Variants in CEACAM21 observed in about 807,000 individuals in gnomAD.
CEACAM21 encodes the protein CEA cell adhesion molecule 21, also known as cell adhesion molecule CEACAM21.
A neutral mutation model predicts 33.2 loss-of-function variants in CEACAM21; 38 were observed. That is an observed-to-expected ratio of 1.14 (90% CI 0.88 to 1.50). CEACAM21 has a LOEUF of 1.50. Among genes scored for constraint, CEACAM21 ranks in the 40% most tolerant of loss-of-function variants. The pLI is 0.00. For missense variants in CEACAM21, 385 were observed against 364.6 expected, an observed-to-expected ratio of 1.06 and a Z score of -0.46; for synonymous variants, 156 against 143.0, an observed-to-expected ratio of 1.09 and a Z score of -0.65.
chr19:41,558,882 G>A (rs1290198431), intron 1 of CEACAM21, among the ~76,000 whole-genome samples: 2 of 152,268 alleles, frequency 1.3e-5, no homozygotes, highest in East Asian at 3.9e-4. Flanking sequence ...GCTTTAGTAA[G>A]CCTTAATTAA....
At chr19:41,562,000 C>T (rs965422640) in intron 1 of CEACAM21, among the ~76,000 whole-genome samples, 3 of 152,208 alleles carry the variant, frequency 2.0e-5, no homozygotes, top group Non-Finnish European at 2.9e-5. Context: ...AATCCCAACA[C>T]TTTGGGAGGC....
At chr19:41,555,725 C>T (rs2041488643) in intron 1 of CEACAM21, among the ~76,000 whole-genome samples, 1 of 152,106 alleles carries the variant, frequency 6.6e-6, no homozygotes, top group Non-Finnish European at 1.5e-5. Flanking sequence ...AACAATCAGC[C>T]CACTTTTAAT....
chr19:41,562,195 G>A (rs1484591983), intron 1 of CEACAM21, among the ~76,000 whole-genome samples: 2 of 151,854 alleles, frequency 1.3e-5, no homozygotes, highest in Non-Finnish European at 2.9e-5. Flanking sequence ...GCAGTGAGCC[G>A]AGATCGGCCA....
chr19:41,563,635 T>G (rs1203799561), intron 1 of CEACAM21, among the ~76,000 whole-genome samples: 2 of 152,232 alleles, frequency 1.3e-5, no homozygotes, highest in African/African-American at 4.8e-5. Flanking sequence ...AAAGGCGGAC[T>G]TTGAACAGAT....
intron 6 of CEACAM21, chr19:41,586,262 G>A (rs2070729773): frequency 5.7e-6 from 3 of 525,370 alleles, no homozygotes; most frequent in African/African-American, 1.9e-5. Flanking sequence ...GTCCCCACTG[G>A]CATCTGGCTG....
chr19:41,584,936 T>C (rs1555794757), intron 4 of CEACAM21, among the ~76,000 whole-genome samples: 1 of 152,204 alleles, frequency 6.6e-6, no homozygotes, highest in Non-Finnish European at 1.5e-5. Context: ...TGGCATATCC[T>C]GGAATGTCGT....
At chr19:41,586,246 G>C (rs2070728543) in intron 6 of CEACAM21, 2 of 529,154 alleles carry the variant, frequency 3.8e-6, no homozygotes, top group Non-Finnish European at 3.5e-6. Context: ...GGGAGACCCA[G>C]GATCTGTCCC....
intron 2 of CEACAM21, among the ~76,000 whole-genome samples, chr19:41,578,701 C>T (rs1555792188): frequency 6.6e-6 from 1 of 152,210 alleles, no homozygotes; most frequent in African/African-American, 2.4e-5. Context: ...CCTGTCTCAA[C>T]TATCAGACTC....
At chr19:41,571,921 T>C (rs537703584), upstream of CEACAM21, among the ~76,000 whole-genome samples, 6 of 152,278 alleles carry the variant, frequency 3.9e-5, no homozygotes, top group African/African-American at 7.2e-5. Flanking sequence ...GATTTGATCT[T>C]TAAGTTACTG....
At position 41,577,530 on chromosome 19, in the gene CEACAM21, A is replaced by C; in HGVS notation, c.395A>C (p.Glu132Ala). The change falls in exon 2 of 7, where the codon GAA becomes GCA. Residue 132 changes from glutamate to alanine, a missense_variant. Coordinates refer to ENST00000401445, the MANE Select transcript of CEACAM21 (RefSeq NM_001098506.4). ...GTCACATACAGAAATTCTCAGATTGAACAGGCATCTCACCATCTCCGTGTA... is the reference window on the plus strand; with the variant it reads ...GTCACATACAGAAATTCTCAGATTGCACAGGCATCTCACCATCTCCGTGTA... ...LQVTYRNSQI[E>A]QASHHLRVYE... 2 of 1,614,032 alleles carry C rather than the reference A, an allele frequency of 1.2e-6. No homozygotes were observed. The highest frequency in any genetic ancestry group is 1.7e-6 in the Non-Finnish European group (2 of 1,180,010).
rs1555790999 is a variant in CEACAM21 at position 41,576,288 on chromosome 19, C to T, written c.14C>T (p.Ser5Leu). The change falls in exon 1 of 7, where the codon TCA becomes TTA. Residue 5 changes from serine to leucine, a missense_variant. Physicochemically the swap from Ser to Leu is moderately radical, Grantham distance 145 (BLOSUM62 -2). Coordinates refer to ENST00000401445, the MANE Select transcript of CEACAM21 (RefSeq NM_001098506.4). The stretch of plus-strand genomic sequence containing the variant: ...GCAGCAGAGACCATGGGGCCCCCCT[C>T]AGCTTGTCCCCACAGAGAATGCATC... MGPP[S>L]ACPHRECIPW... 3 of 1,613,526 alleles carry T rather than the reference C, an allele frequency of 1.9e-6. No homozygotes were observed. The highest frequency in any genetic ancestry group is 2.7e-5 in the African/African-American group (2 of 74,922).
intron 2 of CEACAM21, among the ~76,000 whole-genome samples, chr19:41,565,794 T>C (rs1555788213): frequency 6.6e-6 from 1 of 151,578 alleles, no homozygotes; most frequent in Non-Finnish European, 1.5e-5. Flanking sequence ...AGTGGCAAAA[T>C]AGGAAAATGG....
intron 2 of CEACAM21, among the ~76,000 whole-genome samples, chr19:41,569,597 G>A (rs2042474987): frequency 6.6e-6 from 1 of 152,076 alleles, no homozygotes; most frequent in African/African-American, 2.4e-5. Context: ...CCCCCAAGGA[G>A]GAGGGAGCAC....
chr19:41,579,386 G>A lies in CEACAM21; in HGVS notation c.458G>A (p.Ser153Asn). ...SVAQPSIQAS[S>N]TTVTEKGSVV... The stretch of plus-strand genomic sequence containing the variant: ...GCTCAGCCCTCCATCCAAGCCAGCA[G>A]CACCACAGTCACAGAGAAGGGCTCC... The change falls in exon 3 of 7, where the codon AGC becomes AAC. Residue 153 changes from serine to asparagine, a missense_variant. By Grantham distance (46) the Ser-to-Asn change is conservative (BLOSUM62 1). Coordinates refer to ENST00000401445, the MANE Select transcript of CEACAM21 (RefSeq NM_001098506.4). 1.9e-6 allele frequency: 3 copies of A among 1,613,946 alleles called. No individual in the cohort carries two copies. The highest frequency in any genetic ancestry group is 2.2e-5 in the East Asian group (1 of 44,892).
chr19:41,586,055 C>T (rs1303538808), intron 6 of CEACAM21, 184 bp downstream of exon 6: 7 of 653,528 alleles, frequency 1.1e-5, no homozygotes, highest in Middle Eastern at 3.5e-4. Flanking sequence ...CCTGTGCTAA[C>T]CCCACCCTGG....
intron 6 of CEACAM21, 21 bp from the exon 7 acceptor site, chr19:41,586,443 A>G (rs749682590): frequency 3.1e-6 from 2 of 636,618 alleles, no homozygotes; most frequent in Admixed American, 1.8e-5. Context: ...AGGGGTCAAG[A>G]CCTCTTCTCT....
intron 1 of CEACAM21, among the ~76,000 whole-genome samples, chr19:41,559,175 A>G (rs1461496398): frequency 6.6e-6 from 1 of 152,238 alleles, no homozygotes; most frequent in Non-Finnish European, 1.5e-5. Context: ...ATTTTGCCAT[A>G]TATTATGCCA....
chr19:41,551,648 G>A (rs1178455920), intron 1 of CEACAM21: 1 of 151,462 alleles, frequency 6.6e-6, no homozygotes, highest in African/African-American at 2.4e-5. Context: ...GTGAACTTGG[G>A]GTTTGAGTCC....
chr19:41,586,627 C>G lies in CEACAM21; in HGVS notation c.*164C>G. 1.8e-6 allele frequency: 1 copy of G among 562,554 alleles called. No individual in the cohort carries two copies. The highest frequency in any genetic ancestry group is 3.5e-6 in the Non-Finnish European group (1 of 289,118). 34.8% of individuals were successfully genotyped at this position (562,554 alleles called of 1,614,324 possible). ...CATGGAGCCTGAGCCAGAGAACCAG[C>G]TCTGAGTCCTGAGGAGACACAGGCC... On this transcript the variant is annotated 3_prime_UTR_variant, in exon 7 of 7. Transcript: ENST00000401445.
Sources: allele counts gnomAD v4.1 joint callset (sites outside exome capture counted in the v4.1 genomes callset), GRCh38; gene constraint gnomAD v4.1.1; transcripts MANE v1.5; gene names NCBI Gene and HGNC (gene_info 2026-07-23, HGNC 2026-07-21).